The following LUC7L3 variants were observed in gnomAD, a reference collection of about 807,000 sequenced individuals.
The protein encoded by LUC7L3 is LUC7 like 3 pre-mRNA splicing factor.
In LUC7L3, 6 loss-of-function variants were observed where a neutral mutation model predicts 66.8. That is an observed-to-expected ratio of 0.09 (90% CI 0.05 to 0.18). The LOEUF (loss-of-function observed/expected upper bound fraction) is 0.18. Ranked by LOEUF, LUC7L3 falls within the 10% of genes least tolerant of loss-of-function variation. The pLI is 1.00. For missense variants in LUC7L3, 341 were observed against 531.1 expected (o/e 0.64, Z 3.52); for synonymous variants, 160 against 174.7 (o/e 0.92, Z 0.66).
chr17:50,741,801 T>C, intron 5 of LUC7L3, 70 bp downstream of exon 5: 1 of 1,208,540 alleles, frequency 8.3e-7, no homozygotes, highest in South Asian at 1.2e-5. Flanking sequence ...AATACAAGGA[T>C]GGGCCAGGCA....
chr17:50,749,270 G>A, intron 9 of LUC7L3: 1 of 1,289,308 alleles, frequency 7.8e-7, no homozygotes, highest in African/African-American at 1.5e-5. Flanking sequence ...GGGACAACAA[G>A]ACGACTCTTC....
At chr17:50,731,103 A>C (rs577983675) in intron 1 of LUC7L3, among the ~76,000 whole-genome samples, 51 of 152,338 alleles carry the variant, frequency 3.3e-4, no homozygotes, top group Middle Eastern at 6.8e-3. Context: ...CTATTAAATG[A>C]AGACTGCTGG....
At chr17:50,725,085 G>A (rs1969085557) in intron 1 of LUC7L3, among the ~76,000 whole-genome samples, 1 of 152,072 alleles carries the variant, frequency 6.6e-6, no homozygotes. Flanking sequence ...TAGTAAGTTA[G>A]GAAAATTGTT....
chr17:50,751,718 G>C lies in LUC7L3; in HGVS notation c.*1057G>C, dbSNP rs1970981322. On this transcript the variant is annotated 3_prime_UTR_variant, in exon 10 of 10. Coordinates refer to ENST00000505658, the MANE Select transcript of LUC7L3 (RefSeq NM_016424.5). ...ATTTGCAGTCAGCCATAGGTATGTA[G>C]GAATAGTCACTCACTGGCTGATACA... The C allele has an allele frequency of 9.6e-7, 1 of 1,045,346 alleles. No individual in the cohort carries two copies. Among genetic ancestry groups the C allele is most frequent in the African/African-American group, 1.7e-5 (1 of 58,208 alleles). 64.8% of individuals were successfully genotyped at this position (1,045,346 alleles called of 1,614,324 possible).
Position 50,751,023 on chromosome 17 carries a change from GTTTTT to G in LUC7L3, c.*369_*373del, listed in dbSNP as rs11385262. The G allele has an allele frequency of 2.2e-5, 26 of 1,187,828 alleles. No individual in the cohort carries two copies. Among genetic ancestry groups the G allele is most frequent in the African/African-American group, 3.2e-5 (2 of 62,166 alleles). 73.6% of individuals were successfully genotyped at this position (1,187,828 alleles called of 1,614,324 possible). On this transcript the variant is annotated 3_prime_UTR_variant, in exon 10 of 10. Transcript: ENST00000505658. ...TTTTTTTTAATAAAAAGGTTGAACT[GTTTTT>G]TTTTTTCTTTTTGGTATTAAGTCCA...
chr17:50,743,652 C>G (rs1970491328), intron 5 of LUC7L3, 54 bp from the exon 6 acceptor site: 1 of 1,146,366 alleles, frequency 8.7e-7, no homozygotes. Flanking sequence ...GGAAAAAAGA[C>G]AATAGTTGGG....
At chr17:50,742,970 A>G (rs1970439950) in intron 5 of LUC7L3, among the ~76,000 whole-genome samples, 1 of 152,208 alleles carries the variant, frequency 6.6e-6, no homozygotes, top group Admixed American at 6.5e-5. Context: ...AAGCCGGACA[A>G]AAAAGGAATA....
Position 50,745,851 on chromosome 17 carries a change from A to C in LUC7L3, c.825A>C (p.Glu275Asp). The change falls in exon 8 of 10, where the codon GAA becomes GAC. Residue 275 changes from glutamate (E) to aspartate (D), a missense_variant. By Grantham distance (45) the Glu-to-Asp change is conservative. This residue lies in a region of LUC7L3 where 210 missense variants were observed against 238.1 expected (regional missense o/e 0.88). Transcript: ENST00000505658. ...REERERKRRREEEEREKERAR... is the reference protein window; with the variant it reads ...REERERKRRRDEEEREKERAR... The stretch of plus-strand genomic sequence containing the variant: ...AAAGAGAAAGGAAAAGACGAAGGGA[A>C]GAGGAAGAAAGAGAAAAAGAAAGGG... 1.3e-6 allele frequency: 2 copies of C among 1,591,034 alleles called. No homozygotes were observed. The highest frequency in any genetic ancestry group is 1.7e-6 in the Non-Finnish European group (2 of 1,162,780).
chr17:50,724,051 A>C (rs1343611549), intron 1 of LUC7L3: 1 of 433,424 alleles, frequency 2.3e-6, no homozygotes, highest in Non-Finnish European at 4.7e-6. Context: ...CAAAACATAC[A>C]GAATTAGAGT....
chr17:50,723,879 TC>T, intron 1 of LUC7L3: 1 of 433,454 alleles, frequency 2.3e-6, no homozygotes, highest in South Asian at 1.6e-5. Flanking sequence ...AAGTGATCGG[TC>T]CGCCTCAGTC....
intron 1 of LUC7L3, among the ~76,000 whole-genome samples, chr17:50,727,919 A>G (rs1969302152): frequency 6.6e-6 from 1 of 150,788 alleles, no homozygotes; most frequent in African/African-American, 2.5e-5. Flanking sequence ...CCTGGCTAAC[A>G]TGGTGAAACC....
In LUC7L3 at chr17:50,752,077, G is replaced by T. The variant is rs1597949789; in HGVS notation, c.*1416G>T. The T allele has an allele frequency of 8.4e-7, 1 of 1,189,294 alleles. No homozygotes were observed. Among genetic ancestry groups the T allele is most frequent in the East Asian group, 6.6e-5 (1 of 15,168 alleles). 73.7% of individuals were successfully genotyped at this position (1,189,294 alleles called of 1,614,324 possible). On this transcript the variant is annotated 3_prime_UTR_variant, in exon 10 of 10. Coordinates refer to ENST00000505658, the MANE Select transcript of LUC7L3 (RefSeq NM_016424.5). ...ACACTGATGCCTTGATAATTAAAAA[G>T]AATACAAGCATTCCATGTACACATG...
In LUC7L3 at chr17:50,752,994, TAGA is replaced by T. The variant is rs1971041694; in HGVS notation, c.*2335_*2337del. Reference sequence around the variant, plus strand: ...TTAGCTGGCTAGCTATGGGATGATGTAGAAAAGCATTCAAGAGCTAGTTTTTGT... The same window carrying T: ...TTAGCTGGCTAGCTATGGGATGATGTAAAGCATTCAAGAGCTAGTTTTTGT... On this transcript the variant is annotated 3_prime_UTR_variant, in exon 10 of 10. Coordinates refer to ENST00000505658, the MANE Select transcript of LUC7L3 (RefSeq NM_016424.5). 6.6e-6 allele frequency: 1 copy of T among 152,216 alleles called. No individual in the cohort carries two copies. The highest frequency in any genetic ancestry group is 6.5e-5 in the Admixed American group (1 of 15,284). 9.4% of individuals were successfully genotyped at this position (152,216 alleles called of 1,614,324 possible).
At chr17:50,750,131 T>C (rs576054165) in intron 9 of LUC7L3, among the ~76,000 whole-genome samples, 1 of 152,358 alleles carries the variant, frequency 6.6e-6, no homozygotes, top group East Asian at 1.9e-4. Context: ...TTTACCCTTC[T>C]AACTTAATAA....
intron 6 of LUC7L3, among the ~76,000 whole-genome samples, chr17:50,744,151 T>C (rs1970520810): frequency 6.6e-6 from 1 of 152,266 alleles, no homozygotes; most frequent in Non-Finnish European, 1.5e-5. Context: ...TACATCTTTG[T>C]TAAAAATTAA....
chr17:50,752,304 A>G lies in LUC7L3; in HGVS notation c.*1643A>G, dbSNP rs1289999857. On this transcript the variant is annotated 3_prime_UTR_variant, in exon 10 of 10. Transcript: ENST00000505658. The stretch of plus-strand genomic sequence containing the variant: ...AAAGCTATAGTGGCATAGAAAAAGT[A>G]TAAAGCTCAGTTAGTTTTTTTATTA... 10 of 1,007,800 alleles carry G rather than the reference A, an allele frequency of 9.9e-6. No individual in the cohort carries two copies. The African/African-American group carries it at 1.2e-4, about 12-fold the overall frequency. The allele number at this position is 1,007,800 out of a possible 1,614,324, so 62.4% of individuals were successfully genotyped here.
At chr17:50,720,333 G>A (rs1339248242) in intron 1 of LUC7L3, among the ~76,000 whole-genome samples, 1 of 152,248 alleles carries the variant, frequency 6.6e-6, no homozygotes, top group African/African-American at 2.4e-5. Context: ...AGGGTTTACC[G>A]TGATGATTTA....
intron 1 of LUC7L3, among the ~76,000 whole-genome samples, chr17:50,734,784 A>G (rs1379037180): frequency 1.3e-5 from 2 of 152,258 alleles, no homozygotes; most frequent in Admixed American, 6.5e-5. Flanking sequence ...TTATGGAACA[A>G]TAGTTTTAAA....
At chr17:50,721,931 A>G (rs1048307909) in intron 1 of LUC7L3, 40 of 152,042 alleles carry the variant, frequency 2.6e-4, no homozygotes, top group South Asian at 1.7e-3. Flanking sequence ...AATAGAGATA[A>G]ATACCAAAAT....
Sources: gnomAD v4.1 joint callset for allele counts (sites outside exome capture counted in the v4.1 genomes callset) on GRCh38, gnomAD v4.1.1 for gene constraint, gnomAD v4.1.1 regional missense constraint, MANE v1.5 for transcripts, NCBI Gene and HGNC (gene_info 2026-07-23, HGNC 2026-07-21) for gene names.